DOCK7: variants seen among roughly 807,000 people sequenced by gnomAD.
DOCK7 encodes the protein dedicator of cytokinesis protein 7.
A neutral mutation model predicts 271.0 loss-of-function variants in DOCK7; 138 were observed. That is an observed-to-expected ratio of 0.51 (90% CI 0.44 to 0.59). The LOEUF is 0.59. Among genes scored for constraint, DOCK7 ranks in the 20% least tolerant of loss-of-function variants. The pLI is 0.00. For missense variants in DOCK7, 2,066 were observed against 2,592.4 expected (o/e 0.80, Z 4.41); for synonymous variants, 823 against 876.1 (o/e 0.94, Z 1.07).
In DOCK7 at chr1:62,559,001, C is replaced by A. The variant is rs1156758082; in HGVS notation, c.2419G>T (p.Ala807Ser). 6.2e-7 allele frequency: 1 copy of A among 1,609,640 alleles called. No homozygotes were observed. Among genetic ancestry groups the A allele is most frequent in the Non-Finnish European group, 8.5e-7 (1 of 1,176,998 alleles). The change falls in exon 20 of 50, where the codon GCT becomes TCT. Residue 807 changes from alanine (A) to serine (S), a missense_variant. Coordinates refer to ENST00000635253, the MANE Select transcript of DOCK7 (RefSeq NM_001367561.1). ...ILLVIRPPVI[A>S]GQIVNLGQAS... ...AAAAGTAAATTACCTATTTGGCCAGCAATGACAGGAGGTCTAATAACTAAA... is the reference window on the plus strand; with the variant it reads ...AAAAGTAAATTACCTATTTGGCCAGAAATGACAGGAGGTCTAATAACTAAA...
intron 1 of DOCK7, among the ~76,000 whole-genome samples, chr1:62,674,302 T>C (rs1660315551): frequency 6.6e-6 from 1 of 150,866 alleles, no homozygotes; most frequent in South Asian, 2.1e-4. Flanking sequence ...AAGATCTAAA[T>C]AAATAGACCC....
At chr1:62,649,790 C>T (rs930897141) in intron 4 of DOCK7, among the ~76,000 whole-genome samples, 2 of 152,150 alleles carry the variant, frequency 1.3e-5, no homozygotes, top group African/African-American at 2.4e-5. Context: ...GTCCTCTTTA[C>T]TCTTTGTTCC....
chr1:62,594,224 A>C (rs549779563), intron 14 of DOCK7, among the ~76,000 whole-genome samples: 35 of 152,270 alleles, frequency 2.3e-4, no homozygotes, highest in African/African-American at 7.2e-4. Flanking sequence ...GTGTGTACTC[A>C]GACAGGAAGT....
At chr1:62,557,352 TC>T (rs1646178455) in intron 20 of DOCK7, among the ~76,000 whole-genome samples, 2 of 151,806 alleles carry the variant, frequency 1.3e-5, no homozygotes, top group South Asian at 4.2e-4. Context: ...ACCTCTTTTC[TC>T]CCCATGTATT....
At chr1:62,506,223 T>C (rs1328258447) in intron 35 of DOCK7, among the ~76,000 whole-genome samples, 3 of 152,070 alleles carry the variant, frequency 2.0e-5, no homozygotes, top group Non-Finnish European at 1.5e-5. Flanking sequence ...TCTTTAATAA[T>C]TGAAATCCTG....
chr1:62,482,765 T>G (rs1427553225), intron 43 of DOCK7: 1 of 152,232 alleles, frequency 6.6e-6, no homozygotes, highest in Non-Finnish European at 1.5e-5. Context: ...TTTTGAGGAT[T>G]ACCTCCTTCC....
At chr1:62,626,922 C>T (rs930161488) in intron 11 of DOCK7, among the ~76,000 whole-genome samples, 1 of 152,052 alleles carries the variant, frequency 6.6e-6, no homozygotes, top group African/African-American at 2.4e-5. Context: ...CAAAACCAGA[C>T]AGAGTCATCA....
intron 24 of DOCK7, 155 bp downstream of exon 24, chr1:62,543,501 A>C: frequency 2.0e-6 from 1 of 487,886 alleles, no homozygotes; most frequent in Non-Finnish European, 3.7e-6. Context: ...GATATGCCCC[A>C]AAAGGCATCA....
At chr1:62,610,699 G>A (rs1400289524) in intron 14 of DOCK7, among the ~76,000 whole-genome samples, 2 of 152,076 alleles carry the variant, frequency 1.3e-5, no homozygotes, top group South Asian at 2.1e-4. Flanking sequence ...ACTTATGAGT[G>A]AGAACATGTG....
rs536727576 is a variant in DOCK7 at position 62,505,562 on chromosome 1, A to T, written c.4611+120T>A. ...GTCTTAGGTTATTATTTAAATTTTA[A>T]CTACACATATTCATTAATATATTAC... On this transcript the variant is annotated intron_variant, in intron 36 of 49. Transcript: ENST00000635253. 7.9e-5 allele frequency: 87 copies of T among 1,106,526 alleles called. No homozygotes were observed. In the African/African-American group the frequency reaches 1.1e-3, roughly 14 times the overall value. The allele number at this position is 1,106,526 out of a possible 1,614,324, so 68.5% of individuals were successfully genotyped here.
intron 1 of DOCK7, among the ~76,000 whole-genome samples, chr1:62,668,358 G>GA (rs1553201912): frequency 2.0e-5 from 3 of 152,112 alleles, no homozygotes; most frequent in Non-Finnish European, 4.4e-5. Flanking sequence ...TAAGAGGGTG[G>GA]AAAAACAGAT....
At chr1:62,487,462 A>G (rs1557612909) in intron 42 of DOCK7, 50 bp from the exon 43 acceptor site, 1 of 1,573,248 alleles carries the variant, frequency 6.4e-7, no homozygotes, top group Non-Finnish European at 8.7e-7. Flanking sequence ...ACTGTTTGAA[A>G]GAACAAAAAA....
intron 48 of DOCK7, among the ~76,000 whole-genome samples, chr1:62,466,248 C>T (rs1490428611): frequency 6.6e-6 from 1 of 151,034 alleles, no homozygotes. Flanking sequence ...TAAAAGTGCC[C>T]TATTTAGAAA....
chr1:62,684,500 G>A (rs1020392564), intron 1 of DOCK7, among the ~76,000 whole-genome samples: 1 of 152,094 alleles, frequency 6.6e-6, no homozygotes, highest in African/African-American at 2.4e-5. Flanking sequence ...TGTGGTATAT[G>A]CAGAATTTCA....
At position 62,495,377 on chromosome 1, in the gene DOCK7, A is replaced by C. The variant is rs552697043; in HGVS notation, c.5024+204T>G. 15 of 306,592 alleles carry C rather than the reference A, an allele frequency of 4.9e-5. No homozygotes were observed. The East Asian group carries it at 7.8e-4, about 16-fold the overall frequency. The allele number at this position is 306,592 out of a possible 1,614,324, so 19.0% of individuals were successfully genotyped here. ...GAGGCCAAGACAGGCAGATCTCTTG[A>C]GCCCAGGAGTTCAAGACCAGCCTGG... On this transcript the variant is annotated intron_variant, in intron 39 of 49. Transcript: ENST00000635253.
chr1:62,568,769 C>A (rs1646620559), intron 18 of DOCK7, among the ~76,000 whole-genome samples: 1 of 148,772 alleles, frequency 6.7e-6, no homozygotes, highest in Non-Finnish European at 1.5e-5. Context: ...AACAGAGACA[C>A]AAAAAACCCT....
chr1:62,678,975 C>G (rs542849287), intron 1 of DOCK7, among the ~76,000 whole-genome samples: 5 of 152,144 alleles, frequency 3.3e-5, no homozygotes, highest in Admixed American at 2.0e-4. Flanking sequence ...CACATTGATG[C>G]CTGTATCAAA....
At chr1:62,651,923 C>A (rs778804292) in intron 4 of DOCK7, among the ~76,000 whole-genome samples, 2 of 152,136 alleles carry the variant, frequency 1.3e-5, no homozygotes, top group African/African-American at 4.8e-5. Flanking sequence ...CTTACCCCAG[C>A]CCATATCCAG....
At chr1:62,643,952 T>C (rs760716787) in intron 7 of DOCK7, among the ~76,000 whole-genome samples, 5 of 152,078 alleles carry the variant, frequency 3.3e-5, no homozygotes, top group East Asian at 1.9e-4. Context: ...AAAATCTTCC[T>C]GGTCAATTCT....
Sources: allele counts gnomAD v4.1 joint callset (sites outside exome capture counted in the v4.1 genomes callset), GRCh38; gene constraint gnomAD v4.1.1; transcripts MANE v1.5; gene names NCBI Gene and HGNC (gene_info 2026-07-23, HGNC 2026-07-21).